FOXL3: variants seen among roughly 807,000 people sequenced by gnomAD.
The protein encoded by FOXL3 is forkhead box L3.
FOXL3 carries 16 observed loss-of-function variants against 10.9 expected under a neutral mutation model. The ratio of observed to expected loss-of-function variants is 1.46; its 90% CI spans 0.99 to 2.22. The LOEUF is 2.22. Ranked by LOEUF, FOXL3 falls within the 30% of genes most tolerant of loss-of-function variation. The probability of loss-of-function intolerance (pLI) is 0.00; values close to 1 mark genes in which losing one functional copy is unlikely to be tolerated. For missense variants in FOXL3, 400 were observed against 337.9 expected (o/e 1.18, Z -1.44); for synonymous variants, 170 against 152.0 (o/e 1.12, Z -0.87).
At chr7:290,615 G>T in intron 1 of FOXL3, 38 bp from the exon 2 acceptor site, 1 of 1,415,036 alleles carries the variant, frequency 7.1e-7, no homozygotes, top group Non-Finnish European at 9.2e-7. Flanking sequence ...ACGGGGGGCT[G>T]CCCGGTGGAG....
intron 1 of FOXL3, 97 bp from the exon 2 acceptor site, chr7:290,556 C>A: frequency 8.1e-7 from 1 of 1,228,622 alleles, no homozygotes; most frequent in Non-Finnish European, 1.1e-6. Context: ...AACACCGCCT[C>A]GCTCCTCCGC....
intron 1 of FOXL3, 65 bp from the exon 2 acceptor site, chr7:290,588 G>A: frequency 7.2e-7 from 1 of 1,386,328 alleles, no homozygotes; most frequent in Non-Finnish European, 9.4e-7. Context: ...ACGGCGTCCT[G>A]CGGGATGGGG....
In FOXL3 at chr7:291,360, C is replaced by T. The variant is rs1256590431; in HGVS notation, c.574C>T (p.Leu192Phe). The change falls in exon 3 of 3, where the codon CTC becomes TTC. Residue 192 changes from leucine (L) to phenylalanine (F), a missense_variant. Coordinates refer to ENST00000506382, the MANE Select transcript of FOXL3 (RefSeq NM_001374838.1). The part of the protein sequence containing the change: ...APPGKEHPRD[L>F]KFSIDYILSS... ...CCCGGGGAAGGAGCACCCCCGGGACCTCAAGTTCAGCATCGACTACATCCT... is the reference window on the plus strand; with the variant it reads ...CCCGGGGAAGGAGCACCCCCGGGACTTCAAGTTCAGCATCGACTACATCCT... 24 of 1,316,442 alleles carry T rather than the reference C, an allele frequency of 1.8e-5. No individual in the cohort carries two copies. Among genetic ancestry groups the T allele is most frequent in the Non-Finnish European group, 2.1e-5 (22 of 1,032,136 alleles). 81.5% of individuals were successfully genotyped at this position (1,316,442 alleles called of 1,614,324 possible).
At chr7:290,346 G>T in intron 1 of FOXL3, 70 bp downstream of exon 1, 1 of 1,229,536 alleles carries the variant, frequency 8.1e-7, no homozygotes. Flanking sequence ...AGGTAGCCGG[G>T]ACCTGCCTGG....
In FOXL3 at chr7:291,132, C is replaced by T. The variant is rs1487166139; in HGVS notation, c.346C>T (p.Leu116=). Residue 116 remains leucine (L), a synonymous_variant, in exon 3 of 3, where the codon CTG becomes TTG. Transcript: ENST00000506382. The part of the protein sequence containing the change: ...YWTFAGGCES[L]LDLFENGNYR... ...GACGTTCGCGGGCGGCTGCGAGTCGCTGCTGGACCTCTTCGAGAACGGCAA... is the reference window on the plus strand; with the variant it reads ...GACGTTCGCGGGCGGCTGCGAGTCGTTGCTGGACCTCTTCGAGAACGGCAA... 7.3e-7 allele frequency: 1 copy of T among 1,361,008 alleles called. No individual in the cohort carries two copies. The highest frequency in any genetic ancestry group is 1.6e-5 in the South Asian group (1 of 61,524). 84.3% of individuals were successfully genotyped at this position (1,361,008 alleles called of 1,614,324 possible).
At chr7:291,011 C>A (rs1405649915) in intron 2 of FOXL3, 52 bp from the exon 3 acceptor site, 2 of 1,328,736 alleles carry the variant, frequency 1.5e-6, no homozygotes, top group East Asian at 3.2e-5. Flanking sequence ...ACAAGGCGGG[C>A]GGGCGCACCG....
chr7:291,036 T>C (rs2115225496), intron 2 of FOXL3, 27 bp from the exon 3 acceptor site: 1 of 1,361,932 alleles, frequency 7.3e-7, no homozygotes, highest in Non-Finnish European at 9.4e-7. Context: ...GCGGAGCCGC[T>C]CCCAGCCCCT....
At chr7:290,335 C>T in intron 1 of FOXL3, 59 bp downstream of exon 1, 1 of 1,361,170 alleles carries the variant, frequency 7.3e-7, no homozygotes. Flanking sequence ...GCAAGGGTCC[C>T]AGGTAGCCGG....
At chr7:290,940 CG>C in intron 2 of FOXL3, 119 bp downstream of exon 2, 2 of 1,276,936 alleles carry the variant, frequency 1.6e-6, no homozygotes, top group Non-Finnish European at 2.0e-6. Context: ...CCTCAGCCCA[CG>C]GGGCCGCCTC....
Position 291,415 on chromosome 7 carries a change from A to C in FOXL3, c.629A>C (p.Lys210Thr). The C allele has an allele frequency of 7.9e-7, 1 of 1,269,032 alleles. No homozygotes were observed. Among genetic ancestry groups the C allele is most frequent in the Non-Finnish European group, 9.9e-7 (1 of 1,005,838 alleles). The allele number at this position is 1,269,032 out of a possible 1,614,324, so 78.6% of individuals were successfully genotyped here. The change falls in exon 3 of 3, where the codon AAG (lysine) becomes ACG (threonine). Residue 210 changes from lysine to threonine, a missense_variant. Coordinates refer to ENST00000506382, the MANE Select transcript of FOXL3 (RefSeq NM_001374838.1). The stretch of plus-strand genomic sequence containing the variant: ...TCCCCAGACCCCTTCCCTGGGCTCA[A>C]GCCGCCCTGCCTCGCACAAGAGGGC... Reference protein sequence around the residue: ...LSSPDPFPGLKPPCLAQEGRY... With the variant: ...LSSPDPFPGLTPPCLAQEGRY...
chr7:290,619 G>T (rs1583366073), intron 1 of FOXL3, 34 bp from the exon 2 acceptor site: 2 of 1,414,834 alleles, frequency 1.4e-6, no homozygotes, highest in Non-Finnish European at 1.8e-6. Flanking sequence ...GGGGCTGCCC[G>T]GTGGAGACCC....
At position 291,081 on chromosome 7, in the gene FOXL3, C is replaced by T. The variant is rs769123722; in HGVS notation, c.295C>T (p.His99Tyr). The part of the protein sequence containing the change: ...CFVKVPRSEG[H>Y]EKGKGNYWTF... ...CGCGCAGGTGCCGCGGTCCGAGGGCCACGAGAAGGGCAAAGGCAACTACTG... is the reference window on the plus strand; with the variant it reads ...CGCGCAGGTGCCGCGGTCCGAGGGCTACGAGAAGGGCAAAGGCAACTACTG... The change falls in exon 3 of 3, where the codon CAC (histidine) becomes TAC (tyrosine). Residue 99 changes from histidine (H) to tyrosine (Y), a missense_variant. Transcript: ENST00000506382. 10 of 1,418,558 alleles carry T rather than the reference C, an allele frequency of 7.0e-6. No homozygotes were observed. The South Asian group carries it at 9.7e-5, about 14-fold the overall frequency. 87.9% of individuals were successfully genotyped at this position (1,418,558 alleles called of 1,614,324 possible). A position where few individuals can be genotyped will look rare whatever the true frequency, so the allele number is the denominator to read the frequency against.
intron 1 of FOXL3, 62 bp downstream of exon 1, chr7:290,338 G>C: frequency 7.5e-7 from 1 of 1,327,894 alleles, no homozygotes; most frequent in Non-Finnish European, 1.0e-6. Flanking sequence ...AGGGTCCCAG[G>C]TAGCCGGGAC....
rs750484914 is a variant in FOXL3, at chr7:290,832, C to A, written c.276+11C>A. On this transcript the variant is annotated intron_variant, in intron 2 of 2. Coordinates refer to ENST00000506382, the MANE Select transcript of FOXL3 (RefSeq NM_001374838.1). Reference sequence around the variant, plus strand: ...AGCTGCTTCGTCAAGGTGAGCGCCGCCCCCGACGGGCCCCGGGTGTCCCAG... The same window carrying A: ...AGCTGCTTCGTCAAGGTGAGCGCCGACCCCGACGGGCCCCGGGTGTCCCAG... 3.5e-6 allele frequency: 5 copies of A among 1,426,718 alleles called. No individual in the cohort carries two copies. Among genetic ancestry groups the A allele is most frequent in the African/African-American group, 1.5e-5 (1 of 66,882 alleles). The allele number at this position is 1,426,718 out of a possible 1,614,324, so 88.4% of individuals were successfully genotyped here.
At position 291,068 on chromosome 7, in the gene FOXL3, G is replaced by A. The variant is rs1371072802; in HGVS notation, c.282G>A (p.Pro94=). 4 of 1,405,508 alleles carry A rather than the reference G, an allele frequency of 2.8e-6. No homozygotes were observed. The highest frequency in any genetic ancestry group is 3.7e-6 in the Non-Finnish European group (4 of 1,081,578). 87.1% of individuals were successfully genotyped at this position (1,405,508 alleles called of 1,614,324 possible). The change falls in exon 3 of 3, where the codon CCG becomes CCA. Residue 94 remains proline, a synonymous_variant. Coordinates refer to ENST00000506382, the MANE Select transcript of FOXL3 (RefSeq NM_001374838.1). ...LSLNSCFVKV[P]RSEGHEKGKG... ...CCCTCCCTCCGCGCGCGCAGGTGCCGCGGTCCGAGGGCCACGAGAAGGGCA... is the reference window on the plus strand; with the variant it reads ...CCCTCCCTCCGCGCGCGCAGGTGCCACGGTCCGAGGGCCACGAGAAGGGCA...
rs1443987696 is a variant in FOXL3 at position 291,287 on chromosome 7, C to G, written c.501C>G (p.Ser167Arg). The G allele has an allele frequency of 1.6e-6, 2 of 1,230,930 alleles. No homozygotes were observed. The highest frequency in any genetic ancestry group is 3.1e-5 in the African/African-American group (2 of 63,600). The allele number at this position is 1,230,930 out of a possible 1,614,324, so 76.3% of individuals were successfully genotyped here. The change falls in exon 3 of 3, where the codon AGC becomes AGG. Residue 167 changes from serine (S) to arginine (R), a missense_variant. Ser to Arg is a moderately radical substitution (Grantham distance 110). Coordinates refer to ENST00000506382, the MANE Select transcript of FOXL3 (RefSeq NM_001374838.1). The part of the protein sequence containing the change: ...PAAQGRLAPD[S>R]AGEGAPGREP... ...CTCAGGGGCGCCTGGCCCCGGACAG[C>G]GCTGGCGAGGGCGCCCCGGGCCGTG...
At position 290,695 on chromosome 7, in the gene FOXL3, G is replaced by C. The variant is rs930547418; in HGVS notation, c.150G>C (p.Ala50=). The change falls in exon 2 of 3, where the codon GCG becomes GCC. Residue 50 remains alanine, a synonymous_variant. Transcript: ENST00000506382. Reference sequence around the variant, plus strand: ...CCATGGCCATTCAGCAGAGCCCCGCGGGGAGGGTGACCCTGTCCGGCATCT... The same window carrying C: ...CCATGGCCATTCAGCAGAGCCCCGCCGGGAGGGTGACCCTGTCCGGCATCT... ...LIAMAIQQSP[A]GRVTLSGIYD... 6.9e-7 allele frequency: 1 copy of C among 1,457,036 alleles called. No homozygotes were observed. Among genetic ancestry groups the C allele is most frequent in the African/African-American group, 1.4e-5 (1 of 69,888 alleles). The allele number at this position is 1,457,036 out of a possible 1,614,324, so 90.3% of individuals were successfully genotyped here. A position where few individuals can be genotyped will look rare whatever the true frequency, so the allele number is the denominator to read the frequency against.
chr7:290,928 G>A lies in FOXL3; in HGVS notation c.276+107G>A, dbSNP rs1394279089. The A allele has an allele frequency of 1.2e-5, 16 of 1,288,850 alleles. No individual in the cohort carries two copies. In the Admixed American group the frequency reaches 2.0e-4, roughly 16 times the overall value. 79.8% of individuals were successfully genotyped at this position (1,288,850 alleles called of 1,614,324 possible). ...CACCGCGGCGGCTTCAGGGAGGTCC[G>A]TCCTCAGCCCACGGGGCCGCCTCCA... On this transcript the variant is annotated intron_variant, in intron 2 of 2. Transcript: ENST00000506382.
At chr7:290,561 C>T in intron 1 of FOXL3, 92 bp from the exon 2 acceptor site, 1 of 1,272,530 alleles carries the variant, frequency 7.9e-7, no homozygotes. Flanking sequence ...CGCCTCGCTC[C>T]TCCGCCTCTG....
Sources: allele counts gnomAD v4.1 joint callset, GRCh38; gene constraint gnomAD v4.1.1; transcripts MANE v1.5; gene names NCBI Gene and HGNC (gene_info 2026-07-23, HGNC 2026-07-21).